The following CPNE9 variants were observed in gnomAD, a reference collection of about 807,000 sequenced individuals.
CPNE9 encodes copine family member 9, also known as copine-9.
Under a neutral mutation model 83.0 loss-of-function variants are expected in CPNE9, and 59 were observed. The ratio of observed to expected loss-of-function variants is 0.71; its 90% CI spans 0.58 to 0.88. The LOEUF is 0.88. Among genes scored for constraint, CPNE9 ranks in the 40% least tolerant of loss-of-function variants. The pLI is 0.00. For synonymous variants in CPNE9, 256 were observed against 273.4 expected (o/e 0.94, Z 0.63); for missense variants, 619 against 720.8 (o/e 0.86, Z 1.62).
At chr3:9,729,222 T>C (rs2076808967) in intron 20 of CPNE9, among the ~76,000 whole-genome samples, 1 of 152,154 alleles carries the variant, frequency 6.6e-6, no homozygotes, top group African/African-American at 2.4e-5. Context: ...TAAAAATTAC[T>C]GTTCACTGGA....
intron 19 of CPNE9, 98 bp downstream of exon 19, chr3:9,726,820 A>T: frequency 9.2e-7 from 1 of 1,084,360 alleles, no homozygotes; most frequent in Non-Finnish European, 1.4e-6. Flanking sequence ...GACACAAGGT[A>T]GACACCCCCG....
chr3:9,713,039 A>G lies in CPNE9; in HGVS notation c.610A>G (p.Ser204Gly). Residue 204 changes from serine (S) to glycine (G), a missense_variant, in exon 10 of 21, where the codon AGC becomes GGC. By Grantham distance (56) the Ser-to-Gly change is moderately conservative. Around this residue, in one of 3 missense-constraint regions of CPNE9, gnomAD observed 438 missense variants for 562.9 expected, o/e 0.78. Coordinates refer to ENST00000383832, the MANE Select transcript of CPNE9 (RefSeq NM_153635.3). ...GCTGAATCCTGTGTGGCAGCCCTTC[A>G]GCATCCCTGTGCGGGCTCTGTGCAA... Reference protein sequence around the residue: ...NTLNPVWQPFSIPVRALCNGD... With the variant: ...NTLNPVWQPFGIPVRALCNGD... The G allele has an allele frequency of 6.2e-7, 1 of 1,614,240 alleles. No individual in the cohort carries two copies. The highest frequency in any genetic ancestry group is 8.5e-7 in the Non-Finnish European group (1 of 1,180,038).
In CPNE9 at chr3:9,725,931, A is replaced by T. The variant is rs780085911; in HGVS notation, c.1242-18A>T. ...CTGTCTGGCTTTCAGCTGGATTCTC[A>T]TTTGGCCTCTCATCCAGGGCTGCAG... On this transcript the variant is annotated intron_variant, in intron 17 of 20. Coordinates refer to ENST00000383832, the MANE Select transcript of CPNE9 (RefSeq NM_153635.3). 6.3e-7 allele frequency: 1 copy of T among 1,592,294 alleles called. No homozygotes were observed. The highest frequency in any genetic ancestry group is 1.1e-5 in the South Asian group (1 of 90,674).
At chr3:9,714,639 T>TAAAAAAAAAAAAAAAAAAAAAAAAAAAA in intron 10 of CPNE9, among the ~76,000 whole-genome samples, 2 of 103,350 alleles carry the variant, frequency 1.9e-5, no homozygotes, top group Non-Finnish European at 2.0e-5. Context: ...CTCAAAGTGG[T>TAAAAAAAAAAAAAAAAAAAAAAAAAAAA]AAAAAAAAAA....
chr3:9,727,893 A>G (rs2076798085), intron 20 of CPNE9, among the ~76,000 whole-genome samples: 1 of 152,234 alleles, frequency 6.6e-6, no homozygotes, highest in South Asian at 2.1e-4. Context: ...AGATCTGGCT[A>G]GAAGCAGTGG....
intron 7 of CPNE9, among the ~76,000 whole-genome samples, chr3:9,711,771 G>A (rs888860641): frequency 5.9e-5 from 9 of 152,142 alleles, no homozygotes; most frequent in Admixed American, 5.2e-4. Context: ...GGGGGTTCTC[G>A]TATGCACCAT....
Position 9,729,660 on chromosome 3 carries a change from C to T in CPNE9, c.1630C>T (p.Pro544Ser). 5 of 1,613,850 alleles carry T rather than the reference C, an allele frequency of 3.1e-6. No individual in the cohort carries two copies. The highest frequency in any genetic ancestry group is 3.4e-6 in the Non-Finnish European group (4 of 1,179,782). Residue 544 changes from proline (P) to serine (S), a missense_variant, in exon 21 of 21, where the codon CCC (proline) becomes TCC (serine). Coordinates refer to ENST00000383832, the MANE Select transcript of CPNE9 (RefSeq NM_153635.3). Reference protein sequence around the residue: ...IQPRPPPPANPSPIPAPEQP With the variant: ...IQPRPPPPANSSPIPAPEQP The stretch of plus-strand genomic sequence containing the variant: ...GCCTCGGCCCCCACCCCCTGCCAAC[C>T]CCAGCCCGATCCCAGCTCCAGAGCA...
intron 16 of CPNE9, 53 bp downstream of exon 16, chr3:9,718,263 A>T: frequency 6.6e-7 from 1 of 1,525,806 alleles, no homozygotes; most frequent in Non-Finnish European, 8.9e-7. Context: ...GGTTCACCCA[A>T]GTTGATGATT....
chr3:9,715,068 T>G, intron 11 of CPNE9, 113 bp downstream of exon 11: 1 of 1,016,138 alleles, frequency 9.8e-7, no homozygotes, highest in Non-Finnish European at 1.5e-6. Context: ...GGAAAGGTGA[T>G]GATAAACACC....
At chr3:9,729,452 C>T (rs2076810133) in intron 20 of CPNE9, 55 bp from the exon 21 acceptor site, 1 of 1,545,858 alleles carries the variant, frequency 6.5e-7, no homozygotes, top group Non-Finnish European at 8.8e-7. Context: ...CTGCTGCACC[C>T]CCATGCCCTC....
intron 15 of CPNE9, among the ~76,000 whole-genome samples, chr3:9,717,308 C>T (rs761188720): frequency 3.3e-5 from 5 of 152,054 alleles, no homozygotes; most frequent in Non-Finnish European, 5.9e-5. Flanking sequence ...TATAGCTCAA[C>T]AGGTGGATGA....
At chr3:9,722,266 C>T (rs764474807) in intron 17 of CPNE9, among the ~76,000 whole-genome samples, 3 of 150,878 alleles carry the variant, frequency 2.0e-5, no homozygotes, top group South Asian at 2.1e-4. Flanking sequence ...TATAGAATGG[C>T]GGTGAGGATT....
intron 15 of CPNE9, 129 bp from the exon 16 acceptor site, chr3:9,717,900 A>G: frequency 1.4e-6 from 1 of 714,100 alleles, no homozygotes; most frequent in Admixed American, 3.2e-5. Context: ...GATTGGGTAA[A>G]ATAAGGAGGG....
At chr3:9,709,387 A>G (rs1408319444) in intron 7 of CPNE9, among the ~76,000 whole-genome samples, 6 of 143,380 alleles carry the variant, frequency 4.2e-5, no homozygotes. Context: ...TTTTTGAGAC[A>G]GAGTCTCACT....
At chr3:9,722,853 C>T (rs1422865474) in intron 17 of CPNE9, among the ~76,000 whole-genome samples, 1 of 152,110 alleles carries the variant, frequency 6.6e-6, no homozygotes, top group Admixed American at 6.5e-5. Context: ...TCGTGGTTTG[C>T]ACTTGCCATT....
In CPNE9 at chr3:9,704,055, T is replaced by A; in HGVS notation, c.59T>A (p.Val20Glu). Residue 20 changes from valine to glutamate, a missense_variant, in exon 1 of 21, where the codon GTG (valine) becomes GAG (glutamate). By Grantham distance (121) the Val-to-Glu change is moderately radical. Coordinates refer to ENST00000383832, the MANE Select transcript of CPNE9 (RefSeq NM_153635.3). This position sits in a 1 kb window ranked among gnomAD's most constrained non-coding sequence, Gnocchi z 7.1. ...CCGGCCACCAAGATTGAAATTACCG[T>A]GTCCTGCCGGTGAGCGGGCCGCGCT... Reference protein sequence around the residue: ...SVPATKIEITVSCRNLLDLDT... With the variant: ...SVPATKIEITESCRNLLDLDT... The A allele has an allele frequency of 6.2e-7, 1 of 1,606,842 alleles. No homozygotes were observed. The highest frequency in any genetic ancestry group is 8.5e-7 in the Non-Finnish European group (1 of 1,177,774).
At chr3:9,711,356 C>T (rs1435467102) in intron 7 of CPNE9, among the ~76,000 whole-genome samples, 1 of 151,318 alleles carries the variant, frequency 6.6e-6, no homozygotes, top group Non-Finnish European at 1.5e-5. Flanking sequence ...GCGCCCGCCA[C>T]CACGCCCAGC....
intron 7 of CPNE9, among the ~76,000 whole-genome samples, chr3:9,707,714 G>A (rs967479237): frequency 1.4e-5 from 2 of 139,850 alleles, no homozygotes; most frequent in Non-Finnish European, 3.1e-5. Flanking sequence ...GAGCCCAGGA[G>A]TTTAAACTCC....
chr3:9,720,025 GCA>G (rs1175441524), intron 17 of CPNE9, among the ~76,000 whole-genome samples: 7 of 148,534 alleles, frequency 4.7e-5, no homozygotes, highest in Admixed American at 6.8e-5. Context: ...ATATATATAT[GCA>G]CACACACACA....
Sources: gnomAD v4.1 joint callset for allele counts (sites outside exome capture counted in the v4.1 genomes callset) on GRCh38, gnomAD v4.1.1 for gene constraint, gnomAD v4.1.1 regional missense constraint, Gnocchi (gnomAD v3.1) non-coding constraint, MANE v1.5 for transcripts, NCBI Gene and HGNC (gene_info 2026-07-23, HGNC 2026-07-21) for gene names.